The following MCM3AP variants were observed in gnomAD, a reference collection of about 807,000 sequenced individuals.
MCM3AP encodes minichromosome maintenance complex component 3 associated protein.
MCM3AP carries 126 observed loss-of-function variants against 184.1 expected under a neutral mutation model. The observed-to-expected ratio is 0.68, with a 90% CI of 0.59 to 0.79. The LOEUF is 0.79. MCM3AP is among the 30% of genes least tolerant of loss of function. The probability of loss-of-function intolerance (pLI) is 0.00; values close to 1 mark genes in which losing one functional copy is unlikely to be tolerated. For missense variants in MCM3AP, 2,496 were observed against 2,479.2 expected (o/e 1.01, Z -0.14); for synonymous variants, 1,002 against 979.3 (o/e 1.02, Z -0.43).
intron 15 of MCM3AP, among the ~76,000 whole-genome samples, chr21:46,259,911 A>C: frequency 8.1e-6 from 1 of 123,948 alleles, no homozygotes; most frequent in Non-Finnish European, 2.0e-5. Context: ...TTTCAAAAAA[A>C]AAAAAAAAAA....
At chr21:46,269,397 G>A (rs2081153136) in intron 9 of MCM3AP, among the ~76,000 whole-genome samples, 1 of 152,154 alleles carries the variant, frequency 6.6e-6, no homozygotes, top group Non-Finnish European at 1.5e-5. Context: ...CAGGATAACA[G>A]GTGTGAGCCA....
Position 46,285,239 on chromosome 21 carries a change from C to G in MCM3AP, c.48G>C (p.Ser16=). ...PFSGQQPSAF[S]ASSSNVGTLP... Reference sequence around the variant, plus strand: ...GTGTTCCTACATTACTAGAAGACGCCGAAAAAGCACTAGGCTGCTGCCCAC... The same window carrying G: ...GTGTTCCTACATTACTAGAAGACGCGGAAAAAGCACTAGGCTGCTGCCCAC... The change falls in exon 1 of 28, where the codon TCG becomes TCC. Residue 16 remains serine, a synonymous_variant. Coordinates refer to ENST00000291688, the MANE Select transcript of MCM3AP (RefSeq NM_003906.5). The G allele has an allele frequency of 1.2e-6, 2 of 1,613,918 alleles. No individual in the cohort carries two copies. The highest frequency in any genetic ancestry group is 1.3e-5 in the African/African-American group (1 of 75,002).
chr21:46,283,948 CAT>C (rs1453447956), intron 1 of MCM3AP, 110 bp from the exon 2 acceptor site: 40 of 1,542,820 alleles, frequency 2.6e-5, no homozygotes, highest in East Asian at 2.3e-4. Context: ...GCTCCGATGA[CAT>C]GTTAGAATCC....
Position 46,257,005 on chromosome 21 carries a change from A to T in MCM3AP, c.3735-19T>A. 3 of 1,604,280 alleles carry T rather than the reference A, an allele frequency of 1.9e-6. No individual in the cohort carries two copies. In the South Asian group the frequency reaches 3.3e-5, roughly 18 times the overall value. ...CCTCCACCTGGGGACATGAAAATGT[A>T]TCATCACAGAGTGTTTTCAGGGTCT... On this transcript the variant is annotated intron_variant, in intron 16 of 27. Coordinates refer to ENST00000291688, the MANE Select transcript of MCM3AP (RefSeq NM_003906.5).
At chr21:46,279,359 T>A (rs2081296996) in intron 4 of MCM3AP, among the ~76,000 whole-genome samples, 2 of 152,240 alleles carry the variant, frequency 1.3e-5, no homozygotes, top group African/African-American at 4.8e-5. Context: ...CTTATACATT[T>A]ATATGTCAAG....
intron 4 of MCM3AP, among the ~76,000 whole-genome samples, chr21:46,278,700 G>A (rs2081285095): frequency 2.0e-5 from 3 of 151,744 alleles, no homozygotes; most frequent in African/African-American, 7.3e-5. Flanking sequence ...TTGAGATGGG[G>A]TCTCGCTCTG....
At chr21:46,245,331 G>A in intron 22 of MCM3AP, 134 bp from the exon 23 acceptor site, 1 of 775,844 alleles carries the variant, frequency 1.3e-6, no homozygotes, top group Non-Finnish European at 2.0e-6. Flanking sequence ...GTGGTAGGAA[G>A]GGGAACAGAA....
intron 12 of MCM3AP, 64 bp from the exon 13 acceptor site, chr21:46,264,281 A>G: frequency 1.9e-6 from 2 of 1,041,492 alleles, no homozygotes; most frequent in South Asian, 1.4e-5. Context: ...GCTGGGTAAC[A>G]TGTTGTCACC....
At chr21:46,241,259 C>A (rs2080659728) in intron 25 of MCM3AP, 3 of 451,952 alleles carry the variant, frequency 6.6e-6, no homozygotes, top group Non-Finnish European at 7.9e-6. Flanking sequence ...TGCACAGAGG[C>A]ATTGAGACTG....
rs908807258 is a variant in MCM3AP at position 46,285,354 on chromosome 21, G to A, written c.-68C>T. The A allele has an allele frequency of 4.7e-6, 5 of 1,068,554 alleles. No homozygotes were observed. The highest frequency in any genetic ancestry group is 3.8e-5 in the Admixed American group (2 of 52,104). 66.2% of individuals were successfully genotyped at this position (1,068,554 alleles called of 1,614,324 possible). The stretch of plus-strand genomic sequence containing the variant: ...CAAAATTAATTGGCTTCCTGAAACA[G>A]CCTGTAGCACTAGGGAGTTCCCCTT... On this transcript the variant is annotated 5_prime_UTR_variant, in exon 1 of 28. Transcript: ENST00000291688.
At position 46,251,672 on chromosome 21, in the gene MCM3AP, T is replaced by C. The variant is rs757532589; in HGVS notation, c.4147A>G (p.Asn1383Asp). 1.9e-5 allele frequency: 30 copies of C among 1,581,014 alleles called. No homozygotes were observed. Among genetic ancestry groups the C allele is most frequent in the Non-Finnish European group, 2.5e-5 (29 of 1,155,032 alleles). The change falls in exon 20 of 28, where the codon AAT becomes GAT. Residue 1383 changes from asparagine (N) to aspartate (D), a missense_variant. Coordinates refer to ENST00000291688, the MANE Select transcript of MCM3AP (RefSeq NM_003906.5). Reference sequence around the variant, plus strand: ...CCCATGAACTTGACTTTTAACCAATTTGCTAGAATTCTACAGATTTAAAAA... The same window carrying C: ...CCCATGAACTTGACTTTTAACCAATCTGCTAGAATTCTACAGATTTAAAAA... ...SPESCGRILA[N>D]WLKVKFMGDE...
At chr21:46,283,911 C>T in intron 1 of MCM3AP, 73 bp from the exon 2 acceptor site, 2 of 1,551,164 alleles carry the variant, frequency 1.3e-6, no homozygotes, top group Non-Finnish European at 8.8e-7. Context: ...TGTGTCGAAG[C>T]AGAGGAAATT....
In MCM3AP at chr21:46,266,039, G is replaced by A; in HGVS notation, c.2917C>T (p.Pro973Ser). ...CACACAGGGGTATGACGAGGGACGG[G>A]GGGCAATGGCCCTCCGTTCACAATT... Reference protein sequence around the residue: ...GEIVNGGPLPPVPRHTPVCSF... With the variant: ...GEIVNGGPLPSVPRHTPVCSF... The change falls in exon 11 of 28, where the codon CCC becomes TCC. Residue 973 changes from proline to serine, a missense_variant. Pro to Ser is a moderately conservative substitution (Grantham distance 74, BLOSUM62 -1). Around this residue, in one of 5 missense-constraint regions of MCM3AP, gnomAD observed 1,323 missense variants for 1,273.4 expected, o/e 1.04. Coordinates refer to ENST00000291688, the MANE Select transcript of MCM3AP (RefSeq NM_003906.5). 1 of 1,612,228 alleles carries A rather than the reference G, an allele frequency of 6.2e-7. No individual in the cohort carries two copies. The highest frequency in any genetic ancestry group is 2.2e-5 in the East Asian group (1 of 44,864).
chr21:46,241,275 T>A, intron 25 of MCM3AP: 1 of 399,490 alleles, frequency 2.5e-6, no homozygotes. Flanking sequence ...GACTGCCTGT[T>A]CCTCTTGGAA....
intron 20 of MCM3AP, chr21:46,249,743 C>T: frequency 2.7e-6 from 1 of 377,124 alleles, no homozygotes; most frequent in South Asian, 2.0e-5. Flanking sequence ...CTGTGCCAGG[C>T]ACTGTCCTGT....
At chr21:46,264,767 G>A (rs533856855) in intron 12 of MCM3AP, among the ~76,000 whole-genome samples, 27 of 148,646 alleles carry the variant, frequency 1.8e-4, no homozygotes, top group African/African-American at 2.5e-4. Flanking sequence ...CGACCACCCC[G>A]AGGCCACGCC....
rs753053640 is a variant in MCM3AP, at chr21:46,260,821, C to G, written c.3553G>C (p.Val1185Leu). ...ELMERVMMEFVRETCSQELKN... is the reference protein window; with the variant it reads ...ELMERVMMEFLRETCSQELKN... The stretch of plus-strand genomic sequence containing the variant: ...AACTCCTGGGAGCAGGTTTCCCTCA[C>G]AAACTCCATCATCACGCGTTCCATC... The change falls in exon 15 of 28, where the codon GTG becomes CTG. Residue 1185 changes from valine to leucine, a missense_variant. Coordinates refer to ENST00000291688, the MANE Select transcript of MCM3AP (RefSeq NM_003906.5). 3 of 1,614,034 alleles carry G rather than the reference C, an allele frequency of 1.9e-6. No homozygotes were observed. The Admixed American group carries it at 5.0e-5, about 27-fold the overall frequency.
rs2839178 is a variant in MCM3AP, at chr21:46,258,860, A to G, written c.3734+79T>C. ...CCTTTTACCACTGAATACAGAAACT[A>G]ATAGCTCATATATTTTGAATTTGTT... On this transcript the variant is annotated intron_variant, in intron 16 of 27. Coordinates refer to ENST00000291688, the MANE Select transcript of MCM3AP (RefSeq NM_003906.5). 0.69 allele frequency: 1,011,629 copies of G among 1,476,420 alleles called. 351,344 individuals are homozygous for G. Among genetic ancestry groups the G allele is most frequent in the African/African-American group, 0.76 (54,605 of 71,970 alleles). The allele number at this position is 1,476,420 out of a possible 1,614,324, so 91.5% of individuals were successfully genotyped here. A position where few individuals can be genotyped will look rare whatever the true frequency, so the allele number is the denominator to read the frequency against.
At chr21:46,275,050 A>C (rs2081238612) in intron 6 of MCM3AP, 136 bp downstream of exon 6, 2 of 958,268 alleles carry the variant, frequency 2.1e-6, no homozygotes. Flanking sequence ...TCACAATGCA[A>C]AACAGCTTAA....
Sources: allele counts gnomAD v4.1 joint callset (sites outside exome capture counted in the v4.1 genomes callset), GRCh38; gene constraint gnomAD v4.1.1; regional missense constraint gnomAD v4.1.1; transcripts MANE v1.5; gene names NCBI Gene and HGNC (gene_info 2026-07-23, HGNC 2026-07-21).